The following PRKACB variants were observed in gnomAD, a reference collection of about 807,000 sequenced individuals.
PRKACB encodes the protein protein kinase cAMP-activated catalytic subunit beta.
Under a neutral mutation model 51.4 loss-of-function variants are expected in PRKACB, and 16 were observed. The ratio of observed to expected loss-of-function variants is 0.31; its 90% CI spans 0.21 to 0.47. PRKACB has a LOEUF of 0.47. Among genes scored for constraint, PRKACB ranks in the 20% least tolerant of loss-of-function variants. The pLI is 1.00. For missense variants in PRKACB, 309 were observed against 464.5 expected, an observed-to-expected ratio of 0.67 and a Z score of 3.08; for synonymous variants, 147 against 154.4, an observed-to-expected ratio of 0.95 and a Z score of 0.35.
At chr1:84,124,809 C>G (rs899489026) in intron 1 of PRKACB, among the ~76,000 whole-genome samples, 1 of 152,156 alleles carries the variant, frequency 6.6e-6, no homozygotes, top group African/African-American at 2.4e-5. Flanking sequence ...ATGGGACTAC[C>G]TGGCTATAGT....
intron 1 of PRKACB, among the ~76,000 whole-genome samples, chr1:84,080,677 T>C (rs553755830): frequency 6.6e-6 from 1 of 152,186 alleles, no homozygotes; most frequent in East Asian, 1.9e-4. Flanking sequence ...TACCTAAATG[T>C]TCTGTGTATT....
chr1:84,182,234 A>G lies in PRKACB; in HGVS notation c.284A>G (p.Lys95Arg). 6.3e-7 allele frequency: 1 copy of G among 1,590,790 alleles called. No homozygotes were observed. Among genetic ancestry groups the G allele is most frequent in the African/African-American group, 1.3e-5 (1 of 74,242 alleles). The part of the protein sequence containing the change: ...NAGLEDFERK[K>R]TLGTGSFGRV... Reference sequence around the variant, plus strand: ...GGACTTGAAGATTTTGAAAGGAAAAAAACCCTTGGAACAGGTTCATTTGGA... The same window carrying G: ...GGACTTGAAGATTTTGAAAGGAAAAGAACCCTTGGAACAGGTTCATTTGGA... Residue 95 changes from lysine (K) to arginine (R), a missense_variant, in exon 3 of 10, where the codon AAA becomes AGA. Around this residue, in one of 3 missense-constraint regions of PRKACB, gnomAD observed 153 missense variants for 190.2 expected, o/e 0.80. Transcript: ENST00000370685.
At chr1:84,190,463 C>A (rs1028331137) in intron 5 of PRKACB, among the ~76,000 whole-genome samples, 10 of 151,756 alleles carry the variant, frequency 6.6e-5, no homozygotes, top group Non-Finnish European at 1.0e-4. Context: ...ATTTTATAGC[C>A]TGTTAATATC....
intron 5 of PRKACB, 122 bp from the exon 6 acceptor site, chr1:84,196,494 T>C: frequency 1.5e-5 from 15 of 982,744 alleles, no homozygotes; most frequent in Non-Finnish European, 2.2e-5. Context: ...TTACATACTT[T>C]TTAAAAAAAT....
intron 1 of PRKACB, among the ~76,000 whole-genome samples, chr1:84,134,479 A>G (rs1473614353): frequency 6.6e-6 from 1 of 152,214 alleles, no homozygotes; most frequent in African/African-American, 2.4e-5. Flanking sequence ...ACTCTATTAC[A>G]AAGTACCTGT....
chr1:84,150,013 C>A (rs1195379205), intron 1 of PRKACB, among the ~76,000 whole-genome samples: 2 of 152,002 alleles, frequency 1.3e-5, no homozygotes, highest in African/African-American at 2.4e-5. Flanking sequence ...GCCTGTAATC[C>A]CAGCACTTTG....
chr1:84,121,287 T>C (rs115616142), intron 1 of PRKACB, among the ~76,000 whole-genome samples: 1,698 of 152,194 alleles, frequency 0.011, 41 homozygotes, highest in African/African-American at 0.039. Context: ...ATCTCTTTCA[T>C]ATTTCATTAT....
At chr1:84,189,814 T>C (rs966184025) in intron 5 of PRKACB, among the ~76,000 whole-genome samples, 2 of 152,012 alleles carry the variant, frequency 1.3e-5, no homozygotes, top group African/African-American at 4.8e-5. Context: ...GCAGTATTAT[T>C]GAGAGCAGAT....
chr1:84,167,992 C>T (rs1336987627), intron 1 of PRKACB, among the ~76,000 whole-genome samples: 1 of 151,316 alleles, frequency 6.6e-6, no homozygotes, highest in East Asian at 1.9e-4. Flanking sequence ...AAGTTTTTGC[C>T]CTTGTTAAGC....
chr1:84,175,845 A>G lies in PRKACB; in HGVS notation c.188-3332A>G, dbSNP rs771045377. ...CCTTTAGAATGCAATGTGATAGACT[A>G]TTTAAATCATACAAACAGAAAAAAT... is the stretch of plus-strand genomic sequence containing the variant. On this transcript the variant is annotated intron_variant, in intron 1 of 9. Transcript: ENST00000370685. 1.7e-5 allele frequency: 24 copies of G among 1,425,790 alleles called. No individual in the cohort carries two copies. The East Asian group carries it at 5.7e-4, about 34-fold the overall frequency. The allele number at this position is 1,425,790 out of a possible 1,614,324, so 88.3% of individuals were successfully genotyped here. A position where few individuals can be genotyped will look rare whatever the true frequency, so the allele number is the denominator to read the frequency against.
rs965813267 is a variant in PRKACB, at chr1:84,099,545, T to TC, written c.46+21182dup. ...CTAATTGAGAAAGTAATTGAATTGT[T>TC]CCCCCCCCTTTTTTAATTAAATGAA... is the stretch of plus-strand genomic sequence containing the variant. On this transcript the variant is annotated intron_variant, in intron 1 of 8. Transcript: ENST00000370688. Among the ~76,000 whole-genome samples the TC allele has an allele frequency of 1.4e-3, 211 of 151,114 alleles. 1 individual carries two copies. The Middle Eastern group carries it at 0.017, about 12-fold the overall frequency.
chr1:84,191,875 C>G (rs1029333896), intron 5 of PRKACB, among the ~76,000 whole-genome samples: 5 of 152,008 alleles, frequency 3.3e-5, no homozygotes, highest in Admixed American at 1.3e-4. Flanking sequence ...ATTAATTTAT[C>G]AAAGATGTAC....
At chr1:84,107,027 T>A (rs186861972) in intron 1 of PRKACB, among the ~76,000 whole-genome samples, 163 of 152,052 alleles carry the variant, frequency 1.1e-3, no homozygotes, top group African/African-American at 3.8e-3. Flanking sequence ...AAACCAAACC[T>A]GTTGAGTAGT....
intron 8 of PRKACB, among the ~76,000 whole-genome samples, chr1:84,208,498 T>C (rs760917207): frequency 6.8e-4 from 103 of 152,314 alleles, no homozygotes; most frequent in Non-Finnish European, 1.3e-3. Flanking sequence ...TAAGAAAAGA[T>C]GAAAGTGTTT....
intron 9 of PRKACB, among the ~76,000 whole-genome samples, chr1:84,219,385 C>A (rs1248172072): frequency 2.0e-5 from 3 of 151,838 alleles, no homozygotes; most frequent in Non-Finnish European, 4.4e-5. Flanking sequence ...CAACCACACC[C>A]AGCTAATTTT....
chr1:84,182,547 A>G lies in PRKACB; in HGVS notation c.378+219A>G, dbSNP rs553394336. On this transcript the variant is annotated intron_variant, in intron 3 of 9. Coordinates refer to ENST00000370685, the MANE Select transcript of PRKACB (RefSeq NM_182948.4). ...CTATGGGTTCCACGTCCATGGATTTAACCAATCACAGATTGAAGATATTTG... is the reference window on the plus strand; with the variant it reads ...CTATGGGTTCCACGTCCATGGATTTGACCAATCACAGATTGAAGATATTTG... Among the ~76,000 whole-genome samples, 8 of 152,164 alleles carry G rather than the reference A, an allele frequency of 5.3e-5. No individual in the cohort carries two copies. In the South Asian group the frequency reaches 1.7e-3, roughly 32 times the overall value.
intron 1 of PRKACB, among the ~76,000 whole-genome samples, chr1:84,121,427 A>G (rs1651065189): frequency 6.6e-6 from 1 of 152,070 alleles, no homozygotes; most frequent in Non-Finnish European, 1.5e-5. Context: ...TCAAATCACA[A>G]GTCTGTCATT....
intron 1 of PRKACB, among the ~76,000 whole-genome samples, chr1:84,175,472 T>C (rs1475389206): frequency 6.6e-6 from 1 of 151,774 alleles, no homozygotes; most frequent in Non-Finnish European, 1.5e-5. Flanking sequence ...TAGTTTATCT[T>C]ACACAGCAGT....
chr1:84,139,262 C>T (rs1372895650), intron 1 of PRKACB, among the ~76,000 whole-genome samples: 1 of 152,088 alleles, frequency 6.6e-6, no homozygotes, highest in African/African-American at 2.4e-5. Flanking sequence ...GACGACATGA[C>T]TGCCTACATA....
Sources: gnomAD v4.1 joint callset for allele counts (sites outside exome capture counted in the v4.1 genomes callset) on GRCh38, gnomAD v4.1.1 for gene constraint, gnomAD v4.1.1 regional missense constraint, MANE v1.5 for transcripts, NCBI Gene and HGNC (gene_info 2026-07-23, HGNC 2026-07-21) for gene names.